PCDHGB5: variants seen among roughly 807,000 people sequenced by gnomAD.
PCDHGB5 encodes protocadherin gamma subfamily B, 5.
Under a neutral mutation model 62.9 loss-of-function variants are expected in PCDHGB5, and 48 were observed. The ratio of observed to expected loss-of-function variants is 0.76; its 90% CI spans 0.61 to 0.97. The LOEUF (loss-of-function observed/expected upper bound fraction) is 0.97. Among genes scored for constraint, PCDHGB5 ranks in the 50% least tolerant of loss-of-function variants. The pLI, the probability that PCDHGB5 is intolerant of heterozygous loss-of-function variation, is 0.00. For missense variants in PCDHGB5, 1,118 were observed against 1,198.6 expected, an observed-to-expected ratio of 0.93 and a Z score of 0.99; for synonymous variants, 474 against 511.2, an observed-to-expected ratio of 0.93 and a Z score of 0.98.
At chr5:141,498,967 GGGAGGGAA>G (rs1395523211) in intron 2 of PCDHGB5, among the ~76,000 whole-genome samples, 34 of 129,670 alleles carry the variant, frequency 2.6e-4, no homozygotes, top group Admixed American at 1.5e-3. Flanking sequence ...GAGGGAGGGA[GGGAGGGAA>G]GGAAGGAAGG....
intron 1 of PCDHGB5, chr5:141,426,685 A>C (rs1342844985): frequency 4.6e-6 from 2 of 432,608 alleles, no homozygotes; most frequent in African/African-American, 2.0e-5. Flanking sequence ...CATTTTCCCC[A>C]AAATAGCATT....
Position 141,489,173 on chromosome 5 carries a change from C to T in PCDHGB5, c.2398-5634C>T. 8.3e-7 allele frequency: 1 copy of T among 1,208,434 alleles called. No individual in the cohort carries two copies. Among genetic ancestry groups the T allele is most frequent in the Non-Finnish European group, 1.2e-6 (1 of 860,944 alleles). The allele number at this position is 1,208,434 out of a possible 1,614,324, so 74.9% of individuals were successfully genotyped here. ...CATAAGAGACTTCAGCTGCTGCATTCCAAGCCCTGGGTCTACCTTGGAGAC... is the reference window on the plus strand; with the variant it reads ...CATAAGAGACTTCAGCTGCTGCATTTCAAGCCCTGGGTCTACCTTGGAGAC... On this transcript the variant is annotated intron_variant, in intron 1 of 3. Coordinates refer to ENST00000617380, the MANE Select transcript of PCDHGB5 (RefSeq NM_018925.3). The surrounding 1 kb of genome is among the most constrained non-coding windows in gnomAD (Gnocchi z 4.5).
At chr5:141,421,320 G>T (rs1561793188) in intron 1 of PCDHGB5, 2 of 1,613,786 alleles carry the variant, frequency 1.2e-6, no homozygotes, top group Non-Finnish European at 1.7e-6. Flanking sequence ...GGGCCAGGCA[G>T]ATCCGATATT....
chr5:141,439,458 C>T (rs2098114160), intron 1 of PCDHGB5, among the ~76,000 whole-genome samples: 1 of 152,214 alleles, frequency 6.6e-6, no homozygotes, highest in East Asian at 1.9e-4. Flanking sequence ...AGCAAGACTG[C>T]ACTGCTGCCT....
chr5:141,445,446 G>T (rs2098467238), intron 1 of PCDHGB5, among the ~76,000 whole-genome samples: 1 of 152,264 alleles, frequency 6.6e-6, no homozygotes, highest in Admixed American at 6.5e-5. Flanking sequence ...ATGGACTAAG[G>T]ATGCAGCAAT....
chr5:141,414,498 C>CT (rs748856262), intron 1 of PCDHGB5: 40 of 1,613,848 alleles, frequency 2.5e-5, no homozygotes, highest in Non-Finnish European at 3.3e-5. Context: ...CGGAAGCTCA[C>CT]TTTATGCTAC....
At chr5:141,501,997 C>A (rs2099812238) in intron 2 of PCDHGB5, among the ~76,000 whole-genome samples, 1 of 152,128 alleles carries the variant, frequency 6.6e-6, no homozygotes, top group Non-Finnish European at 1.5e-5. Context: ...GTCTCCCTGA[C>A]AACCCGCATG....
At chr5:141,404,914 C>G (rs1423848318) in intron 1 of PCDHGB5, 1 of 1,613,830 alleles carries the variant, frequency 6.2e-7, no homozygotes, top group Non-Finnish European at 8.5e-7. Flanking sequence ...AGCCCCCTCT[C>G]TCGGCCACTG....
chr5:141,423,875 A>G (rs1354115544), intron 1 of PCDHGB5: 8 of 1,282,448 alleles, frequency 6.2e-6, no homozygotes, highest in African/African-American at 3.1e-5. Context: ...TCATTTTTCA[A>G]TCTTGGCATA....
intron 1 of PCDHGB5, chr5:141,403,589 A>G (rs1447316737): frequency 1.2e-6 from 2 of 1,613,812 alleles, no homozygotes; most frequent in East Asian, 2.2e-5. Context: ...CCTGGTCCTC[A>G]CGGCCTCGGA....
rs183549806 is a variant in PCDHGB5 at position 141,487,760 on chromosome 5, G to A, written c.2398-7047G>A. ...TGTAAGAGGTAACTATGTGGTAGAC[G>A]CTGTGCTTTGTAACTGTTTCGTGAA... On this transcript the variant is annotated intron_variant, in intron 1 of 3. Transcript: ENST00000617380. The surrounding 1 kb of genome is among the most constrained non-coding windows in gnomAD (Gnocchi z 5.0). 42 of 1,545,950 alleles carry A rather than the reference G, an allele frequency of 2.7e-5. No homozygotes were observed. The African/African-American group carries it at 3.8e-4, about 14-fold the overall frequency.
intron 3 of PCDHGB5, among the ~76,000 whole-genome samples, chr5:141,509,751 A>T (rs1430265981): frequency 6.6e-6 from 1 of 151,998 alleles, no homozygotes; most frequent in Admixed American, 6.5e-5. Flanking sequence ...CCTGTGCCTA[A>T]AGTGTCCCTG....
chr5:141,404,917 G>T (rs750464541), intron 1 of PCDHGB5: 6 of 1,613,652 alleles, frequency 3.7e-6, no homozygotes, highest in East Asian at 2.2e-5. Flanking sequence ...CCCCTCTCTC[G>T]GCCACTGTCA....
chr5:141,482,245 G>A (rs72790067), intron 1 of PCDHGB5, among the ~76,000 whole-genome samples: 74 of 152,252 alleles, frequency 4.9e-4, no homozygotes, highest in Non-Finnish European at 7.9e-4. Flanking sequence ...TATAAGTATA[G>A]TACTGTACAT....
chr5:141,416,053 A>T (rs2095987443), intron 1 of PCDHGB5: 1 of 181,266 alleles, frequency 5.5e-6, no homozygotes, highest in South Asian at 1.8e-4. Flanking sequence ...CACAACCCAA[A>T]TCCAAGAATA....
chr5:141,480,887 A>T (rs2099527301), intron 1 of PCDHGB5, among the ~76,000 whole-genome samples: 1 of 152,146 alleles, frequency 6.6e-6, no homozygotes. Flanking sequence ...TCTACTAAAA[A>T]TGCAAACATT....
In PCDHGB5 at chr5:141,399,527, T is replaced by A. The variant is rs781680585; in HGVS notation, c.1400T>A (p.Ile467Asn). Reference protein sequence around the residue: ...VPENNPPGASIAQVCASDLDL... With the variant: ...VPENNPPGASNAQVCASDLDL... Reference sequence around the variant, plus strand: ...GAAAACAACCCTCCTGGGGCCTCCATCGCGCAAGTCTGCGCCTCGGACCTG... The same window carrying A: ...GAAAACAACCCTCCTGGGGCCTCCAACGCGCAAGTCTGCGCCTCGGACCTG... The change falls in exon 1 of 4, where the codon ATC becomes AAC. Residue 467 changes from isoleucine (I) to asparagine (N), a missense_variant. Physicochemically the swap from Ile to Asn is moderately radical, Grantham distance 149. This residue lies in a region of PCDHGB5 where 1,034 missense variants were observed against 1,029.1 expected (regional missense o/e 1.00). Transcript: ENST00000617380. 2 of 1,614,016 alleles carry A rather than the reference T, an allele frequency of 1.2e-6. No individual in the cohort carries two copies. Among genetic ancestry groups the A allele is most frequent in the East Asian group, 2.2e-5 (1 of 44,876 alleles).
At chr5:141,450,829 A>ATT (rs373424450) in intron 1 of PCDHGB5, among the ~76,000 whole-genome samples, 8,685 of 135,030 alleles carry the variant, frequency 0.064, 328 homozygotes, top group South Asian at 0.088. Context: ...TATTATTATT[A>ATT]TTTTTTTTTT....
At chr5:141,426,720 A>T (rs1448232477) in intron 1 of PCDHGB5, 4 of 447,600 alleles carry the variant, frequency 8.9e-6, no homozygotes, top group Non-Finnish European at 1.8e-5. Flanking sequence ...TGAACTAGCA[A>T]TTCCAGGCAT....
Sources: gnomAD v4.1 joint callset for allele counts (sites outside exome capture counted in the v4.1 genomes callset) on GRCh38, gnomAD v4.1.1 for gene constraint, gnomAD v4.1.1 regional missense constraint, Gnocchi (gnomAD v3.1) non-coding constraint, MANE v1.5 for transcripts, NCBI Gene and HGNC (gene_info 2026-07-23, HGNC 2026-07-21) for gene names.